The following NCAPH variants were observed in gnomAD, a reference collection of about 807,000 sequenced individuals.
The protein encoded by NCAPH is non-SMC condensin I complex subunit H.
Under a neutral mutation model 85.5 loss-of-function variants are expected in NCAPH, and 38 were observed. The ratio of observed to expected loss-of-function variants is 0.44; its 90% CI spans 0.34 to 0.58. The LOEUF is 0.58. Ranked by LOEUF, NCAPH falls within the 20% of genes least tolerant of loss-of-function variation. NCAPH has a pLI of 0.01. For synonymous variants in NCAPH, 301 were observed against 335.1 expected, an observed-to-expected ratio of 0.90 and a Z score of 1.11; for missense variants, 789 against 916.6, an observed-to-expected ratio of 0.86 and a Z score of 1.80.
intron 11 of NCAPH, 55 bp downstream of exon 11, chr2:96,360,304 AT>A: frequency 9.3e-7 from 1 of 1,069,826 alleles, no homozygotes; most frequent in Non-Finnish European, 1.4e-6. Flanking sequence ...TTCAGATGTG[AT>A]TTTTTAAAAT....
At chr2:96,340,220 C>T (rs1346398540) in intron 1 of NCAPH, among the ~76,000 whole-genome samples, 1 of 151,932 alleles carries the variant, frequency 6.6e-6, no homozygotes, top group African/African-American at 2.4e-5. Context: ...TAAAGTGTTC[C>T]TCTACTCAGT....
At chr2:96,349,488 TCTC>T (rs1329134243) in intron 6 of NCAPH, among the ~76,000 whole-genome samples, 2 of 152,206 alleles carry the variant, frequency 1.3e-5, no homozygotes, top group African/African-American at 4.8e-5. Context: ...TTCAAGCAAT[TCTC>T]CTGCTTCAGC....
At chr2:96,356,342 G>A (rs1440545576) in intron 9 of NCAPH, among the ~76,000 whole-genome samples, 2 of 152,156 alleles carry the variant, frequency 1.3e-5, no homozygotes, top group African/African-American at 4.8e-5. Context: ...GAGATGTGGG[G>A]CAATGTTATC....
intron 12 of NCAPH, among the ~76,000 whole-genome samples, chr2:96,361,763 T>TAAAC (rs1553447766): frequency 7.8e-6 from 1 of 128,902 alleles, no homozygotes; most frequent in Non-Finnish European, 1.7e-5. Context: ...TATATATATA[T>TAAAC]ATATACATAT....
intron 6 of NCAPH, among the ~76,000 whole-genome samples, chr2:96,348,082 G>T (rs1324771511): frequency 6.6e-6 from 1 of 152,098 alleles, no homozygotes; most frequent in African/African-American, 2.4e-5. Context: ...CTGTTGACCT[G>T]GGAAGAGTTG....
chr2:96,356,915 C>T (rs1163310846), intron 9 of NCAPH, among the ~76,000 whole-genome samples: 4 of 152,172 alleles, frequency 2.6e-5, no homozygotes, highest in African/African-American at 9.7e-5. Context: ...AAAGGTGGAG[C>T]TCTTTGTGCA....
intron 1 of NCAPH, among the ~76,000 whole-genome samples, chr2:96,337,544 C>G (rs576323346): frequency 6.6e-6 from 1 of 152,106 alleles, no homozygotes; most frequent in Non-Finnish European, 1.5e-5. Context: ...CTCAGCCTCC[C>G]GAGTAGCTGG....
At chr2:96,365,806 G>A (rs1701613247) in intron 13 of NCAPH, 70 bp from the exon 14 acceptor site, 1 of 1,472,312 alleles carries the variant, frequency 6.8e-7, no homozygotes, top group South Asian at 1.2e-5. Flanking sequence ...TAAACATGGA[G>A]TCTATTTCAA....
Position 96,374,690 on chromosome 2 carries a change from C to G in NCAPH, c.*1339C>G, listed in dbSNP as rs1184797766. Among the ~76,000 whole-genome samples, 1 of 152,206 alleles carries G rather than the reference C, an allele frequency of 6.6e-6. No homozygotes were observed. Among genetic ancestry groups the G allele is most frequent in the African/African-American group, 2.4e-5 (1 of 41,462 alleles). ...TCTGTTATATTGAGAAGGTTAGAGA[C>G]TTCAGAGCATGCTTAGAAAAAGCAG... On this transcript the variant is annotated 3_prime_UTR_variant, in exon 18 of 18. Coordinates refer to ENST00000240423, the MANE Select transcript of NCAPH (RefSeq NM_015341.5).
chr2:96,358,888 G>A (rs1162092803), intron 9 of NCAPH, among the ~76,000 whole-genome samples, 157 bp from the exon 10 acceptor site: 3 of 152,130 alleles, frequency 2.0e-5, no homozygotes, highest in Admixed American at 6.6e-5. Flanking sequence ...ATAAAATTAA[G>A]GGAAGGAAAA....
rs570955995 is a variant in NCAPH, at chr2:96,374,584, T to C, written c.*1233T>C. Reference sequence around the variant, plus strand: ...TTGCTCCTGATAATAACTTCCTTCTTAGCCAAAAACCACACAAAACAAAAA... The same window carrying C: ...TTGCTCCTGATAATAACTTCCTTCTCAGCCAAAAACCACACAAAACAAAAA... On this transcript the variant is annotated 3_prime_UTR_variant, in exon 18 of 18. Transcript: ENST00000240423. Among the ~76,000 whole-genome samples, 1 of 152,196 alleles carries C rather than the reference T, an allele frequency of 6.6e-6. No individual in the cohort carries two copies. The highest frequency in any genetic ancestry group is 6.5e-5 in the Admixed American group (1 of 15,278).
chr2:96,347,273 A>C (rs946394023), intron 6 of NCAPH, among the ~76,000 whole-genome samples: 2 of 134,038 alleles, frequency 1.5e-5, no homozygotes, highest in Non-Finnish European at 3.3e-5. Context: ...AGTGCCCCTC[A>C]GCCTGTTTTT....
chr2:96,369,867 AGAG>A (rs1223095368), intron 17 of NCAPH, among the ~76,000 whole-genome samples: 1 of 152,236 alleles, frequency 6.6e-6, no homozygotes, highest in African/African-American at 2.4e-5. Context: ...GGCAGAGAGA[AGAG>A]GAGAGAAATG....
intron 4 of NCAPH, 44 bp downstream of exon 4, chr2:96,342,892 G>C: frequency 3.9e-6 from 6 of 1,520,506 alleles, no homozygotes; most frequent in Non-Finnish European, 5.5e-6. Context: ...ATTAAATGAT[G>C]ATGATTTCTA....
In NCAPH at chr2:96,373,420, G is replaced by C; in HGVS notation, c.*69G>C. ...CAGTTGCCGGGACATCCCCAGTCTC[G>C]GGGGAAGAAGATGCCATGGGCTTAT... On this transcript the variant is annotated 3_prime_UTR_variant, in exon 18 of 18. Transcript: ENST00000240423. The C allele has an allele frequency of 6.8e-7, 1 of 1,462,750 alleles. No homozygotes were observed. The highest frequency in any genetic ancestry group is 1.2e-5 in the South Asian group (1 of 86,956). 90.6% of individuals were successfully genotyped at this position (1,462,750 alleles called of 1,614,324 possible).
At position 96,373,588 on chromosome 2, in the gene NCAPH, G is replaced by A. The variant is rs1414145196; in HGVS notation, c.*237G>A. 2 of 420,074 alleles carry A rather than the reference G, an allele frequency of 4.8e-6. No individual in the cohort carries two copies. The highest frequency in any genetic ancestry group is 8.2e-5 in the Admixed American group (2 of 24,492). The allele number at this position is 420,074 out of a possible 1,614,324, so 26.0% of individuals were successfully genotyped here. A position where few individuals can be genotyped will look rare whatever the true frequency, so the allele number is the denominator to read the frequency against. ...CCCTATGGTGACCATCTAGGAGAGG[G>A]GAGGGCAGAGGGGGTGAGGGTACTA... On this transcript the variant is annotated 3_prime_UTR_variant, in exon 18 of 18. Coordinates refer to ENST00000240423, the MANE Select transcript of NCAPH (RefSeq NM_015341.5).
chr2:96,352,106 T>C (rs777351992), intron 7 of NCAPH, 86 bp downstream of exon 7: 14 of 1,313,492 alleles, frequency 1.1e-5, no homozygotes, highest in African/African-American at 1.5e-5. Flanking sequence ...AAGCCCATCA[T>C]GCTCTTATGT....
chr2:96,366,177 C>A, intron 14 of NCAPH, 119 bp downstream of exon 14: 1 of 1,171,790 alleles, frequency 8.5e-7, no homozygotes, highest in Non-Finnish European at 1.2e-6. Context: ...ACCTGTTGCT[C>A]TCCAAGTTTT....
chr2:96,339,891 C>G (rs1373542926), intron 1 of NCAPH, among the ~76,000 whole-genome samples: 1 of 151,870 alleles, frequency 6.6e-6, no homozygotes, highest in Non-Finnish European at 1.5e-5. Context: ...CATTTCCCAG[C>G]TCTTTTGCTG....
Sources: allele counts gnomAD v4.1 joint callset (sites outside exome capture counted in the v4.1 genomes callset), GRCh38; gene constraint gnomAD v4.1.1; transcripts MANE v1.5; gene names NCBI Gene and HGNC (gene_info 2026-07-23, HGNC 2026-07-21).